The following BANK1 variants were observed in gnomAD, a reference collection of about 807,000 sequenced individuals.
BANK1 encodes B-cell scaffold protein with ankyrin repeats.
A neutral mutation model predicts 94.5 loss-of-function variants in BANK1; 95 were observed. The ratio of observed to expected loss-of-function variants is 1.00; its 90% CI spans 0.85 to 1.19. The LOEUF is 1.19. BANK1 is among the 50% of genes most tolerant of loss of function. BANK1 has a pLI of 0.00. For synonymous variants in BANK1, 334 were observed against 308.4 expected (o/e 1.08, Z -0.87); for missense variants, 987 against 932.2 (o/e 1.06, Z -0.77).
At chr4:102,059,265 A>C (rs959298767) in intron 11 of BANK1, among the ~76,000 whole-genome samples, 2 of 152,170 alleles carry the variant, frequency 1.3e-5, no homozygotes, top group Non-Finnish European at 2.9e-5. Flanking sequence ...AGGACTGGCT[A>C]TTCTCTCCTT....
chr4:101,837,489 A>C (rs747141163), intron 2 of BANK1, among the ~76,000 whole-genome samples: 1 of 152,228 alleles, frequency 6.6e-6, no homozygotes, highest in Non-Finnish European at 1.5e-5. Flanking sequence ...TTTTGTCCCA[A>C]AGAGTTTCTC....
chr4:101,891,445 TG>T (rs1430411562), intron 5 of BANK1, among the ~76,000 whole-genome samples: 6 of 152,128 alleles, frequency 3.9e-5, no homozygotes, highest in Non-Finnish European at 5.9e-5. Flanking sequence ...AGAAGTTTTA[TG>T]ATTAGTCTTG....
intron 11 of BANK1, among the ~76,000 whole-genome samples, chr4:102,050,581 A>G (rs1034090993): frequency 6.6e-6 from 1 of 152,214 alleles, no homozygotes; most frequent in East Asian, 1.9e-4. Context: ...TATTTTAGCA[A>G]TAATCCACAC....
At chr4:101,836,245 C>T (rs1215988371) in intron 2 of BANK1, among the ~76,000 whole-genome samples, 4 of 152,134 alleles carry the variant, frequency 2.6e-5, no homozygotes, top group Admixed American at 1.3e-4. Flanking sequence ...CTTTGGGAGG[C>T]TGAGGCAGGC....
At position 101,866,654 on chromosome 4, in the gene BANK1, C is replaced by G. The variant is rs1728080097; in HGVS notation, c.764-3851C>G. Among the ~76,000 whole-genome samples, 3 of 49,546 alleles carry G rather than the reference C, an allele frequency of 6.1e-5. 1 individual carries two copies. Among genetic ancestry groups the G allele is most frequent in the Non-Finnish European group, 1.2e-4 (3 of 25,150 alleles). 32.5% of individuals were successfully genotyped at this position (49,546 alleles called of 152,430 possible). ...TAGGAATACCATTTGACCCAGCCAT[C>G]CCATTACTGGGTATATACCCAAAGG... On this transcript the variant is annotated intron_variant, in intron 4 of 16. Coordinates refer to ENST00000322953, the MANE Select transcript of BANK1 (RefSeq NM_017935.5).
chr4:101,874,789 A>G (rs1420723914), intron 5 of BANK1, among the ~76,000 whole-genome samples: 1 of 152,148 alleles, frequency 6.6e-6, no homozygotes, highest in East Asian at 1.9e-4. Context: ...TCTTTAATGC[A>G]TGAACACTGT....
At chr4:101,969,384 T>C (rs1381964849) in intron 7 of BANK1, among the ~76,000 whole-genome samples, 3 of 152,074 alleles carry the variant, frequency 2.0e-5, no homozygotes, top group Admixed American at 6.6e-5. Flanking sequence ...ATGAATTAGT[T>C]TAAAAGTTTG....
intron 11 of BANK1, among the ~76,000 whole-genome samples, chr4:102,055,168 A>G (rs1454294851): frequency 6.6e-6 from 1 of 152,046 alleles, no homozygotes; most frequent in Non-Finnish European, 1.5e-5. Context: ...GTTAACCAGG[A>G]TAAGTTTTGC....
intron 6 of BANK1, among the ~76,000 whole-genome samples, chr4:101,916,417 T>A (rs1722830702): frequency 6.6e-6 from 1 of 152,046 alleles, no homozygotes; most frequent in African/African-American, 2.4e-5. Context: ...TGGTCATGAA[T>A]TTCCAGTTTT....
At chr4:101,826,179 A>G (rs930865615) in intron 1 of BANK1, among the ~76,000 whole-genome samples, 4 of 152,076 alleles carry the variant, frequency 2.6e-5, no homozygotes. Context: ...AAGCCTTCAC[A>G]TACTGTGCAT....
At chr4:101,852,255 C>G (rs1308696100) in intron 2 of BANK1, among the ~76,000 whole-genome samples, 1 of 151,500 alleles carries the variant, frequency 6.6e-6, no homozygotes, top group African/African-American at 2.4e-5. Context: ...GATACATGTT[C>G]TCAGTCTGCA....
intron 8 of BANK1, among the ~76,000 whole-genome samples, chr4:102,022,763 A>G (rs1359346337): frequency 2.6e-5 from 4 of 152,006 alleles, no homozygotes; most frequent in African/African-American, 4.8e-5. Flanking sequence ...AAATCCTCCA[A>G]TATCTCCCCA....
chr4:101,878,062 C>CA (rs1397287984), intron 5 of BANK1, among the ~76,000 whole-genome samples: 2 of 151,398 alleles, frequency 1.3e-5, no homozygotes, highest in South Asian at 2.1e-4. Context: ...ACAAAACAAC[C>CA]AAAAAAACAA....
At chr4:101,909,413 G>T (rs778809505) in intron 6 of BANK1, among the ~76,000 whole-genome samples, 2 of 152,074 alleles carry the variant, frequency 1.3e-5, no homozygotes, top group African/African-American at 2.4e-5. Context: ...TAGGGAGGAG[G>T]GATAGCATTA....
intron 12 of BANK1, among the ~76,000 whole-genome samples, chr4:102,061,222 A>C (rs1219678132): frequency 6.6e-6 from 1 of 152,226 alleles, no homozygotes; most frequent in African/African-American, 2.4e-5. Context: ...GACGATGCTT[A>C]GGAAAACATT....
chr4:101,790,964 C>A lies in BANK1; in HGVS notation c.70+14C>A. ...CAGCGCCCCCAGGTGGGTAGTCGCG[C>A]ATTCGGAGGGGCTTGACGCCGAGGC... On this transcript the variant is annotated intron_variant, in intron 1 of 16. Transcript: ENST00000322953. The A allele has an allele frequency of 6.7e-7, 1 of 1,494,888 alleles. No homozygotes were observed. The highest frequency in any genetic ancestry group is 8.9e-7 in the Non-Finnish European group (1 of 1,128,320). The allele number at this position is 1,494,888 out of a possible 1,614,324, so 92.6% of individuals were successfully genotyped here. A position where few individuals can be genotyped will look rare whatever the true frequency, so the allele number is the denominator to read the frequency against.
At chr4:101,889,626 A>AG (rs1233400824) in intron 5 of BANK1, among the ~76,000 whole-genome samples, 31 of 150,906 alleles carry the variant, frequency 2.1e-4, no homozygotes, top group Middle Eastern at 3.4e-3. Context: ...AAAAAAAAAA[A>AG]AAGAATCACT....
Position 101,855,147 on chromosome 4 carries a change from C to A in BANK1, c.582C>A (p.Thr194=), listed in dbSNP as rs760442907. Residue 194 remains threonine, a synonymous_variant, in exon 3 of 17, where the codon ACC becomes ACA. Transcript: ENST00000322953. Reference sequence around the variant, plus strand: ...AACTATCAGAAGCTTCAAGAAACACCATACCACTAGCAGTGGTGCTTCCCA... The same window carrying A: ...AACTATCAGAAGCTTCAAGAAACACAATACCACTAGCAGTGGTGCTTCCCA... ...IEELSEASRN[T]IPLAVVLPTE... 1.9e-6 allele frequency: 3 copies of A among 1,613,456 alleles called. No homozygotes were observed. Among genetic ancestry groups the A allele is most frequent in the East Asian group, 2.2e-5 (1 of 44,892 alleles).
Position 101,790,824 on chromosome 4 carries a change from G to T in BANK1, c.-57G>T, listed in dbSNP as rs571372450. Reference sequence around the variant, plus strand: ...TCGCGGGGAGTCTCTGGCCGGGAGAGTCCAGGTAGCGCTCGGCGGGCAGCA... The same window carrying T: ...TCGCGGGGAGTCTCTGGCCGGGAGATTCCAGGTAGCGCTCGGCGGGCAGCA... On this transcript the variant is annotated 5_prime_UTR_variant, in exon 1 of 17. Coordinates refer to ENST00000322953, the MANE Select transcript of BANK1 (RefSeq NM_017935.5). 12 of 1,503,804 alleles carry T rather than the reference G, an allele frequency of 8.0e-6. No homozygotes were observed. The East Asian group carries it at 2.0e-4, about 25-fold the overall frequency. 93.2% of individuals were successfully genotyped at this position (1,503,804 alleles called of 1,614,324 possible). A position where few individuals can be genotyped will look rare whatever the true frequency, so the allele number is the denominator to read the frequency against.
Sources: gnomAD v4.1 joint callset for allele counts (sites outside exome capture counted in the v4.1 genomes callset) on GRCh38, gnomAD v4.1.1 for gene constraint, MANE v1.5 for transcripts, NCBI Gene and HGNC (gene_info 2026-07-23, HGNC 2026-07-21) for gene names.